SMYD3: variants seen among roughly 807,000 people sequenced by gnomAD.
SMYD3 encodes the protein histone-lysine N-methyltransferase SMYD3.
In SMYD3, 36 loss-of-function variants were observed where a neutral mutation model predicts 57.7. That is an observed-to-expected ratio of 0.62 (90% confidence interval 0.48 to 0.82). The LOEUF (loss-of-function observed/expected upper bound fraction) is 0.82. Ranked by LOEUF, SMYD3 falls within the 40% of genes least tolerant of loss-of-function variation. The pLI, the probability that SMYD3 is intolerant of heterozygous loss-of-function variation, is 0.00. For missense variants in SMYD3, 515 were observed against 538.8 expected, an observed-to-expected ratio of 0.96 and a Z score of 0.44; for synonymous variants, 211 against 195.0, an observed-to-expected ratio of 1.08 and a Z score of -0.68.
intron 1 of SMYD3, among the ~76,000 whole-genome samples, chr1:246,429,469 T>A (rs2067268479): frequency 6.6e-6 from 1 of 152,166 alleles, no homozygotes; most frequent in Admixed American, 6.5e-5. Flanking sequence ...GGAGGAAACG[T>A]CCATCTTACA....
chr1:246,068,094 G>A (rs1051088878), intron 5 of SMYD3, among the ~76,000 whole-genome samples: 3 of 152,108 alleles, frequency 2.0e-5, no homozygotes, highest in South Asian at 2.1e-4. Context: ...AGTTAAGGGC[G>A]GTTGAGTCTT....
chr1:246,497,627 G>A (rs2068384145), intron 1 of SMYD3, among the ~76,000 whole-genome samples: 1 of 152,164 alleles, frequency 6.6e-6, no homozygotes, highest in Non-Finnish European at 1.5e-5. Flanking sequence ...TCAAATCAGA[G>A]AACCCCCAAA....
intron 5 of SMYD3, among the ~76,000 whole-genome samples, chr1:246,027,990 C>A (rs920303052): frequency 7.2e-5 from 11 of 152,142 alleles, no homozygotes; most frequent in African/African-American, 2.7e-4. Context: ...TTCCAATCCT[C>A]ATGGATGACT....
chr1:246,168,428 T>TA (rs1418596919), intron 5 of SMYD3, among the ~76,000 whole-genome samples: 1 of 152,136 alleles, frequency 6.6e-6, no homozygotes, highest in Admixed American at 6.5e-5. Context: ...TGCAAAATAT[T>TA]AATTTTTAAA....
intron 5 of SMYD3, among the ~76,000 whole-genome samples, chr1:246,066,280 G>A (rs1256198034): frequency 6.6e-6 from 1 of 152,174 alleles, no homozygotes. Context: ...AGGCAGCTTA[G>A]TGGACATCCT....
intron 5 of SMYD3, among the ~76,000 whole-genome samples, chr1:245,948,462 C>T (rs533935943): frequency 3.9e-5 from 6 of 152,248 alleles, no homozygotes; most frequent in Admixed American, 2.6e-4. Context: ...TCCTGTGATC[C>T]GAGCCACAGG....
In SMYD3 at chr1:246,206,492, A is replaced by G. The variant is rs536342914; in HGVS notation, c.531+120709T>C. ...CATATGGAATGTTCTAGTGGTACCA[A>G]AAGCCACACAAAAATGACAGAGAAA... On this transcript the variant is annotated intron_variant, in intron 5 of 11. Transcript: ENST00000490107. 2.6e-5 allele frequency among the ~76,000 whole-genome samples: 4 copies of G among 152,236 alleles called. No individual in the cohort carries two copies. In the South Asian group the frequency reaches 8.3e-4, roughly 32 times the overall value.
intron 5 of SMYD3, among the ~76,000 whole-genome samples, chr1:246,324,693 G>A (rs928974877): frequency 1.3e-5 from 2 of 151,704 alleles, no homozygotes; most frequent in African/African-American, 4.8e-5. Flanking sequence ...CTGTGAAGAA[G>A]GCTGGCTTTA....
intron 10 of SMYD3, among the ~76,000 whole-genome samples, chr1:245,826,891 C>T (rs2049532130): frequency 6.6e-6 from 1 of 152,180 alleles, no homozygotes; most frequent in Non-Finnish European, 1.5e-5. Flanking sequence ...ATGGAGCAAA[C>T]TGCCCCCATG....
intron 9 of SMYD3, among the ~76,000 whole-genome samples, chr1:245,862,548 C>T (rs10924365): frequency 0.56 from 84,315 of 151,656 alleles, 26,576 homozygotes; most frequent in Non-Finnish European, 0.73. Context: ...CCTCTATTAT[C>T]CTCCCCATCT....
At chr1:245,987,447 G>A (rs910275833) in intron 5 of SMYD3, among the ~76,000 whole-genome samples, 3 of 151,956 alleles carry the variant, frequency 2.0e-5, no homozygotes, top group African/African-American at 7.3e-5. Context: ...AGGTAAAAAA[G>A]ATCTAGAAAA....
chr1:246,429,579 A>T lies in SMYD3; in HGVS notation c.165-74485T>A, dbSNP rs73134118. Among the ~76,000 whole-genome samples the T allele has an allele frequency of 4.0e-3, 612 of 152,352 alleles. 3 individuals are homozygous for T. Among genetic ancestry groups the T allele is most frequent in the African/African-American group, 0.014 (582 of 41,590 alleles). On this transcript the variant is annotated intron_variant, in intron 1 of 11. Transcript: ENST00000490107. ...AAGTCTAGGCTATGACTCTATACAC[A>T]GGCTGAGAAATGAAACAGCAATCAA... is the stretch of plus-strand genomic sequence containing the variant.
intron 1 of SMYD3, among the ~76,000 whole-genome samples, chr1:246,463,607 G>T (rs1176216702): frequency 1.4e-5 from 2 of 140,764 alleles, no homozygotes; most frequent in Non-Finnish European, 3.0e-5. Flanking sequence ...CACGAGGTCA[G>T]GAGATGGAGA....
intron 1 of SMYD3, among the ~76,000 whole-genome samples, chr1:246,496,403 A>C (rs971452262): frequency 6.6e-6 from 1 of 152,092 alleles, no homozygotes; most frequent in Non-Finnish European, 1.5e-5. Context: ...TATATATTCA[A>C]ATCTGCCCAG....
chr1:246,194,419 C>A (rs1373895617), intron 5 of SMYD3, among the ~76,000 whole-genome samples: 2 of 152,056 alleles, frequency 1.3e-5, no homozygotes, highest in Admixed American at 1.3e-4. Context: ...CGGGCATGTG[C>A]CATCATGCCC....
At chr1:246,378,764 AT>A (rs2066329641) in intron 1 of SMYD3, among the ~76,000 whole-genome samples, 1 of 116,502 alleles carries the variant, frequency 8.6e-6, no homozygotes, top group Non-Finnish European at 1.7e-5. Context: ...TATTTAATAT[AT>A]TATATATAAT....
intron 5 of SMYD3, among the ~76,000 whole-genome samples, chr1:246,271,252 C>A (rs1020072161): frequency 6.6e-6 from 1 of 152,142 alleles, no homozygotes; most frequent in African/African-American, 2.4e-5. Context: ...TCTGGGTTAC[C>A]TTTTAACTGT....
intron 8 of SMYD3, among the ~76,000 whole-genome samples, chr1:245,894,716 C>A (rs2053640796): frequency 6.6e-6 from 1 of 152,196 alleles, no homozygotes; most frequent in African/African-American, 2.4e-5. Context: ...TACCTGTGGA[C>A]CATGTGTTGG....
chr1:245,972,709 G>C (rs1028532669), intron 5 of SMYD3, among the ~76,000 whole-genome samples: 8 of 152,234 alleles, frequency 5.3e-5, no homozygotes, highest in Admixed American at 5.2e-4. Context: ...GCTAAGCCTT[G>C]AGACTGTGGG....
Sources: gnomAD v4.1 joint callset for allele counts (sites outside exome capture counted in the v4.1 genomes callset) on GRCh38, gnomAD v4.1.1 for gene constraint, MANE v1.5 for transcripts, NCBI Gene and HGNC (gene_info 2026-07-23, HGNC 2026-07-21) for gene names.